The following COP1 variants were observed in gnomAD, a reference collection of about 807,000 sequenced individuals.
COP1 encodes the protein E3 ubiquitin-protein ligase COP1.
COP1 carries 24 observed loss-of-function variants against 101.3 expected under a neutral mutation model. The observed-to-expected ratio is 0.24, with a 90% CI of 0.17 to 0.33. The LOEUF (loss-of-function observed/expected upper bound fraction) is 0.33, where lower values mean the gene tolerates loss of function less well. COP1 is among the 10% of genes least tolerant of loss of function. COP1 has a pLI of 1.00. For synonymous variants in COP1, 347 were observed against 341.9 expected, an observed-to-expected ratio of 1.01 and a Z score of -0.17; for missense variants, 663 against 906.2, an observed-to-expected ratio of 0.73 and a Z score of 3.45.
intron 1 of COP1, among the ~76,000 whole-genome samples, chr1:176,203,403 T>C (rs1235301981): frequency 6.6e-6 from 1 of 152,226 alleles, no homozygotes; most frequent in Non-Finnish European, 1.5e-5. Context: ...CGTATACTTC[T>C]GCTGCAAGAA....
intron 14 of COP1, among the ~76,000 whole-genome samples, chr1:176,036,080 T>C (rs530179751): frequency 6.6e-6 from 1 of 152,074 alleles, no homozygotes; most frequent in African/African-American, 2.4e-5. Context: ...AATATACTAG[T>C]CATGAAAATA....
At chr1:176,070,008 G>T (rs1676679471) in intron 11 of COP1, among the ~76,000 whole-genome samples, 1 of 152,166 alleles carries the variant, frequency 6.6e-6, no homozygotes, top group Non-Finnish European at 1.5e-5. Context: ...AGCTGCAAAA[G>T]TTTCCAAATT....
At chr1:175,962,300 A>C (rs948205671) in intron 18 of COP1, among the ~76,000 whole-genome samples, 1 of 152,160 alleles carries the variant, frequency 6.6e-6, no homozygotes, top group Non-Finnish European at 1.5e-5. Flanking sequence ...TACTTCCTGT[A>C]CCAGGAAAGG....
At chr1:176,049,250 A>G (rs1672116404) in intron 11 of COP1, among the ~76,000 whole-genome samples, 1 of 150,758 alleles carries the variant, frequency 6.6e-6, no homozygotes, top group Non-Finnish European at 1.5e-5. Flanking sequence ...TTCTGCTGGT[A>G]TCCTGTTATT....
At chr1:175,993,873 A>C (rs1445544031) in intron 15 of COP1, among the ~76,000 whole-genome samples, 1 of 152,214 alleles carries the variant, frequency 6.6e-6, no homozygotes, top group Non-Finnish European at 1.5e-5. Flanking sequence ...GCCAACTTTC[A>C]GATTCAGGAA....
intron 9 of COP1, among the ~76,000 whole-genome samples, chr1:176,096,794 G>T (rs376207140): frequency 2.0e-5 from 3 of 152,100 alleles, no homozygotes; most frequent in Non-Finnish European, 4.4e-5. Flanking sequence ...AGCCAATCTG[G>T]TCTGCTTTAC....
chr1:175,981,037 T>C (rs1205564332), intron 18 of COP1, among the ~76,000 whole-genome samples: 1 of 152,122 alleles, frequency 6.6e-6, no homozygotes, highest in African/African-American at 2.4e-5. Flanking sequence ...AGATACAGAA[T>C]ATATATACGT....
At position 176,135,030 on chromosome 1, in the gene COP1, T is replaced by C. The variant is rs761619501; in HGVS notation, c.948A>G (p.Glu316=). The C allele has an allele frequency of 6.2e-7, 1 of 1,610,954 alleles. No homozygotes were observed. The highest frequency in any genetic ancestry group is 8.5e-7 in the Non-Finnish European group (1 of 1,177,616). ...VSEDSTVPQF[E]APSPSHSSII... ...TGTACCTGTGTGATGGAGAAGGAGC[T>C]TCAAATTGAGGCACTGTGCTATCCT... The change falls in exon 8 of 20, where the codon GAA becomes GAG. Residue 316 remains glutamate (E), a synonymous_variant. Transcript: ENST00000367669.
rs552394183 is a variant in COP1 at position 175,983,187 on chromosome 1, A to G, written c.2133+3756T>C. On this transcript the variant is annotated intron_variant, in intron 18 of 19. Transcript: ENST00000367669. ...CGAAAAGAAAAGAAACTGATGGCTT[A>G]AAGGAATGAAAAAGACTCCTCTGAT... is the stretch of plus-strand genomic sequence containing the variant. Among the ~76,000 whole-genome samples the G allele has an allele frequency of 4.6e-5, 7 of 152,350 alleles. No individual in the cohort carries two copies. The South Asian group carries it at 1.5e-3, about 32-fold the overall frequency.
chr1:176,103,575 A>C (rs915278430), intron 9 of COP1, among the ~76,000 whole-genome samples: 1 of 152,188 alleles, frequency 6.6e-6, no homozygotes, highest in Non-Finnish European at 1.5e-5. Flanking sequence ...AAAGTCCAAA[A>C]TGCTCCAATT....
At chr1:176,050,886 C>T (rs1483664732) in intron 11 of COP1, among the ~76,000 whole-genome samples, 1 of 152,144 alleles carries the variant, frequency 6.6e-6, no homozygotes, top group Non-Finnish European at 1.5e-5. Context: ...AGAGTCTATG[C>T]TCTCAATCAT....
intron 14 of COP1, among the ~76,000 whole-genome samples, chr1:176,034,932 C>T (rs1318130831): frequency 6.6e-6 from 1 of 152,122 alleles, no homozygotes; most frequent in Non-Finnish European, 1.5e-5. Context: ...CAACTGATCA[C>T]CTACTAAGAA....
chr1:176,189,603 A>C (rs976599309), intron 1 of COP1, among the ~76,000 whole-genome samples: 1 of 152,020 alleles, frequency 6.6e-6, no homozygotes, highest in Non-Finnish European at 1.5e-5. Flanking sequence ...AAATCCTGCA[A>C]GCAGAAGGAA....
At chr1:176,001,891 T>C (rs1355241122) in intron 15 of COP1, among the ~76,000 whole-genome samples, 1 of 152,100 alleles carries the variant, frequency 6.6e-6, no homozygotes, top group East Asian at 1.9e-4. Context: ...AATCTTTTCC[T>C]TTCAATACTT....
chr1:176,023,349 C>T (rs1359318051), intron 15 of COP1, among the ~76,000 whole-genome samples: 3 of 152,130 alleles, frequency 2.0e-5, no homozygotes, highest in Admixed American at 6.5e-5. Context: ...ATTGACAATA[C>T]AGGAATTATA....
intron 3 of COP1, among the ~76,000 whole-genome samples, chr1:176,167,932 T>C (rs1249349042): frequency 6.6e-6 from 1 of 151,560 alleles, no homozygotes; most frequent in Admixed American, 6.6e-5. Flanking sequence ...TGACTGACAG[T>C]AGTAAGGACT....
intron 1 of COP1, among the ~76,000 whole-genome samples, chr1:176,191,764 T>G (rs1699138881): frequency 6.6e-6 from 1 of 152,128 alleles, no homozygotes; most frequent in Non-Finnish European, 1.5e-5. Context: ...TCTCCATTTT[T>G]TCAAAAGCAG....
chr1:176,163,975 C>G (rs1694727535), intron 3 of COP1, 84 bp from the exon 4 acceptor site: 5 of 779,466 alleles, frequency 6.4e-6, no homozygotes, highest in Non-Finnish European at 1.0e-5. Flanking sequence ...TAGATAGATT[C>G]TATTTTACCT....
chr1:175,965,904 A>G lies in COP1; in HGVS notation c.2134-18665T>C, dbSNP rs576681503. Among the ~76,000 whole-genome samples, 14 of 152,320 alleles carry G rather than the reference A, an allele frequency of 9.2e-5. No individual in the cohort carries two copies. In the South Asian group the frequency reaches 2.7e-3, roughly 29 times the overall value. On this transcript the variant is annotated intron_variant, in intron 18 of 19. Transcript: ENST00000367669. ...GCCACTTATCTGGGTTTGATTCATC[A>G]TAAGAATCCCCTTATTTGACCGGAG...
Sources: allele counts gnomAD v4.1 joint callset (sites outside exome capture counted in the v4.1 genomes callset), GRCh38; gene constraint gnomAD v4.1.1; transcripts MANE v1.5; gene names NCBI Gene and HGNC (gene_info 2026-07-23, HGNC 2026-07-21).